The following ATRNL1 variants were observed in gnomAD, a reference collection of about 807,000 sequenced individuals.
The protein encoded by ATRNL1 is attractin like 1.
A neutral mutation model predicts 182.7 loss-of-function variants in ATRNL1; 95 were observed. The observed-to-expected ratio is 0.52, with a 90% CI of 0.44 to 0.62. ATRNL1 has a LOEUF of 0.62. Among genes scored for constraint, ATRNL1 ranks in the 20% least tolerant of loss-of-function variants. ATRNL1 has a pLI of 0.00. For synonymous variants in ATRNL1, 576 were observed against 568.3 expected (o/e 1.01, Z -0.19); for missense variants, 1,471 against 1,679.5 (o/e 0.88, Z 2.17).
intron 24 of ATRNL1, among the ~76,000 whole-genome samples, chr10:115,490,023 CT>C (rs1165754798): frequency 2.0e-5 from 3 of 152,114 alleles, no homozygotes; most frequent in Non-Finnish European, 2.9e-5. Flanking sequence ...GTTGAAAATT[CT>C]TTTCTTTAAG....
At chr10:115,187,474 A>T (rs1847985580) in intron 8 of ATRNL1, among the ~76,000 whole-genome samples, 1 of 152,122 alleles carries the variant, frequency 6.6e-6, no homozygotes, top group Non-Finnish European at 1.5e-5. Flanking sequence ...CAACATGGTG[A>T]CAACAAATGC....
chr10:115,574,642 G>C (rs1854604861), intron 26 of ATRNL1, among the ~76,000 whole-genome samples: 1 of 152,042 alleles, frequency 6.6e-6, no homozygotes, highest in African/African-American at 2.4e-5. Context: ...TAAATCCTAT[G>C]TTACTTGGGC....
intron 27 of ATRNL1, among the ~76,000 whole-genome samples, chr10:115,837,062 A>C (rs1950691388): frequency 1.3e-5 from 2 of 152,178 alleles, no homozygotes; most frequent in African/African-American, 4.8e-5. Context: ...TTTTAGTCAT[A>C]CTGAAAAAAG....
chr10:115,286,435 A>G, intron 15 of ATRNL1, 38 bp downstream of exon 15: 1 of 1,281,206 alleles, frequency 7.8e-7, no homozygotes, highest in East Asian at 2.6e-5. Context: ...GAAATATGCT[A>G]TGATAATTTC....
chr10:115,597,567 G>A (rs1412981572), intron 26 of ATRNL1: 1 of 361,334 alleles, frequency 2.8e-6, no homozygotes, highest in Non-Finnish European at 5.0e-6. Flanking sequence ...ATTTATGGGA[G>A]CTTTTTTTTT....
chr10:115,354,071 A>T (rs532458521), intron 19 of ATRNL1, among the ~76,000 whole-genome samples: 1 of 152,206 alleles, frequency 6.6e-6, no homozygotes, highest in African/African-American at 2.4e-5. Context: ...TGTGGGCCAC[A>T]TGCAGCCCAG....
chr10:115,767,569 C>G (rs1410446059), intron 27 of ATRNL1, among the ~76,000 whole-genome samples: 1 of 152,122 alleles, frequency 6.6e-6, no homozygotes, highest in Non-Finnish European at 1.5e-5. Context: ...CCATATTCTC[C>G]TAAACTACTT....
intron 19 of ATRNL1, among the ~76,000 whole-genome samples, chr10:115,372,411 C>T (rs543603303): frequency 5.3e-4 from 80 of 152,166 alleles, no homozygotes; most frequent in African/African-American, 1.9e-3. Context: ...TATTTTTAAG[C>T]TTTAATTATC....
intron 26 of ATRNL1, among the ~76,000 whole-genome samples, chr10:115,677,139 G>A (rs1565275710): frequency 6.6e-6 from 1 of 152,038 alleles, no homozygotes; most frequent in Non-Finnish European, 1.5e-5. Flanking sequence ...ATGAATAAAA[G>A]AAAACAAGTC....
chr10:115,703,686 T>C (rs1210447715), intron 26 of ATRNL1, among the ~76,000 whole-genome samples: 2 of 151,734 alleles, frequency 1.3e-5, no homozygotes, highest in Non-Finnish European at 1.5e-5. Flanking sequence ...GTAGATAATA[T>C]ATAAACATAT....
At chr10:115,399,368 A>T (rs1227034705) in intron 20 of ATRNL1, among the ~76,000 whole-genome samples, 2 of 152,054 alleles carry the variant, frequency 1.3e-5, no homozygotes, top group African/African-American at 4.8e-5. Flanking sequence ...TGGTCTGTTC[A>T]GGAATTCTGT....
At chr10:115,560,831 A>G (rs1290875833) in intron 26 of ATRNL1, among the ~76,000 whole-genome samples, 1 of 152,200 alleles carries the variant, frequency 6.6e-6, no homozygotes, top group Non-Finnish European at 1.5e-5. Context: ...AATGTAACTG[A>G]GAATCTAGAA....
chr10:115,289,669 T>A (rs1852798402), intron 15 of ATRNL1, among the ~76,000 whole-genome samples: 1 of 152,188 alleles, frequency 6.6e-6, no homozygotes, highest in Non-Finnish European at 1.5e-5. Flanking sequence ...GTTCTTGGTG[T>A]AATTGTCAAA....
intron 26 of ATRNL1, among the ~76,000 whole-genome samples, chr10:115,688,626 A>G (rs912590885): frequency 1.2e-4 from 19 of 152,076 alleles, no homozygotes; most frequent in African/African-American, 4.6e-4. Flanking sequence ...TTGAGAAACA[A>G]CTATTCGTGT....
chr10:115,160,248 TA>T, intron 6 of ATRNL1, 34 bp downstream of exon 6: 2 of 1,553,024 alleles, frequency 1.3e-6, no homozygotes, highest in Non-Finnish European at 1.7e-6. Flanking sequence ...TGCTGTTTTT[TA>T]AGCTGGATTT....
intron 19 of ATRNL1, among the ~76,000 whole-genome samples, chr10:115,355,424 T>C (rs1317119416): frequency 6.6e-6 from 1 of 152,144 alleles, no homozygotes; most frequent in Admixed American, 6.6e-5. Context: ...CTGGGTAGAC[T>C]TCTGAAAGTG....
chr10:115,539,667 C>G lies in ATRNL1; in HGVS notation c.3717-9791C>G, dbSNP rs181804823. Among the ~76,000 whole-genome samples, 404 of 152,088 alleles carry G rather than the reference C, an allele frequency of 2.7e-3. 3 individuals are homozygous for G. The highest frequency in any genetic ancestry group is 9.3e-3 in the African/African-American group (385 of 41,514). On this transcript the variant is annotated intron_variant, in intron 25 of 28. Coordinates refer to ENST00000355044, the MANE Select transcript of ATRNL1 (RefSeq NM_207303.4). ...CCTCCCTCCCATTTTTTCTCTTTTT[C>G]CTGAATTCACTCACCCATACCCCAG... is the stretch of plus-strand genomic sequence containing the variant.
At chr10:115,802,538 G>A (rs1949822906) in intron 27 of ATRNL1, among the ~76,000 whole-genome samples, 2 of 152,176 alleles carry the variant, frequency 1.3e-5, no homozygotes, top group South Asian at 2.1e-4. Flanking sequence ...TATGTTTTGA[G>A]ATTACATTAT....
At chr10:115,577,273 G>A (rs2133876185) in intron 26 of ATRNL1, among the ~76,000 whole-genome samples, 1 of 151,690 alleles carries the variant, frequency 6.6e-6, no homozygotes, top group Non-Finnish European at 1.5e-5. Flanking sequence ...AATATCTTTG[G>A]AATTTTAATA....
Sources: gnomAD v4.1 joint callset for allele counts (sites outside exome capture counted in the v4.1 genomes callset) on GRCh38, gnomAD v4.1.1 for gene constraint, MANE v1.5 for transcripts, NCBI Gene and HGNC (gene_info 2026-07-23, HGNC 2026-07-21) for gene names.